The following CAMK4 variants were observed in gnomAD, a reference collection of about 807,000 sequenced individuals.
CAMK4 encodes the protein calcium/calmodulin dependent protein kinase IV, also known as calcium/calmodulin-dependent protein kinase type IV.
CAMK4 carries 22 observed loss-of-function variants against 44.9 expected under a neutral mutation model. The ratio of observed to expected loss-of-function variants is 0.49; its 90% CI spans 0.35 to 0.70. The LOEUF is 0.70. CAMK4 is among the 30% of genes least tolerant of loss of function. The probability of loss-of-function intolerance (pLI) is 0.01; values close to 1 mark genes in which losing one functional copy is unlikely to be tolerated. For synonymous variants in CAMK4, 218 were observed against 215.4 expected (o/e 1.01, Z -0.11); for missense variants, 498 against 586.8 (o/e 0.85, Z 1.56).
chr5:111,451,198 C>T (rs1348047329), intron 7 of CAMK4, among the ~76,000 whole-genome samples: 2 of 151,932 alleles, frequency 1.3e-5, no homozygotes, highest in African/African-American at 4.8e-5. Context: ...AATAAGAATC[C>T]AGGTATCCAA....
chr5:111,262,930 T>C (rs1251085770), intron 1 of CAMK4, among the ~76,000 whole-genome samples: 2 of 152,252 alleles, frequency 1.3e-5, no homozygotes, highest in Non-Finnish European at 2.9e-5. Context: ...GATTGGTTTG[T>C]ATCATTGCTT....
chr5:111,385,065 A>T (rs1195287725), intron 4 of CAMK4, among the ~76,000 whole-genome samples: 1 of 152,184 alleles, frequency 6.6e-6, no homozygotes, highest in East Asian at 1.9e-4. Flanking sequence ...TTTAAGCATC[A>T]CCTTCCAAGT....
In CAMK4 at chr5:111,418,406, T is replaced by G. The variant is rs147152942; in HGVS notation, c.459+23624T>G. 6.5e-3 allele frequency among the ~76,000 whole-genome samples: 983 copies of G among 151,644 alleles called. 10 individuals carry two copies. Among genetic ancestry groups the G allele is most frequent in the African/African-American group, 0.021 (866 of 41,276 alleles). On this transcript the variant is annotated intron_variant, in intron 5 of 10. Coordinates refer to ENST00000282356, the MANE Select transcript of CAMK4 (RefSeq NM_001744.6). ...ATTAAAATTGCTAATGAAGTTTCAG[T>G]CACCATTGTCATTGATAACTTCTTA...
upstream of CAMK4, chr5:111,223,920 A>G (rs560825999): frequency 6.5e-6 from 1 of 153,504 alleles, no homozygotes; most frequent in East Asian, 1.9e-4. This position sits in a 1 kb window ranked among gnomAD's most constrained non-coding sequence, Gnocchi z 4.3. Flanking sequence ...ACCACCACCT[A>G]GGTCCCTCTC....
At chr5:111,291,639 C>G (rs1012919367) in intron 1 of CAMK4, among the ~76,000 whole-genome samples, 1 of 152,142 alleles carries the variant, frequency 6.6e-6, no homozygotes, top group Non-Finnish European at 1.5e-5. Context: ...TTGCCTCAGC[C>G]TCCTGGGACC....
At chr5:111,465,633 C>T (rs1370854628) in intron 7 of CAMK4, among the ~76,000 whole-genome samples, 2 of 152,090 alleles carry the variant, frequency 1.3e-5, no homozygotes, top group African/African-American at 2.4e-5. Flanking sequence ...TGGAAATATA[C>T]CACCCTCTTA....
intron 2 of CAMK4, among the ~76,000 whole-genome samples, chr5:111,374,131 G>A (rs1262106837): frequency 6.6e-6 from 1 of 152,054 alleles, no homozygotes; most frequent in African/African-American, 2.4e-5. Flanking sequence ...AGTTCAAAAG[G>A]CAAACCAGCA....
rs953571160 is a variant in CAMK4, at chr5:111,411,147, G to T, written c.459+16365G>T. ...AGATGGATCCTAAGGCAAGACAGAA[G>T]AACCAAGCAGGAGGAGACTTGTGTG... is the stretch of plus-strand genomic sequence containing the variant. On this transcript the variant is annotated intron_variant, in intron 5 of 10. Transcript: ENST00000282356. 2.0e-5 allele frequency among the ~76,000 whole-genome samples: 3 copies of T among 152,302 alleles called. No homozygotes were observed. The South Asian group carries it at 6.2e-4, about 32-fold the overall frequency.
At chr5:111,250,570 A>G (rs748963183) in intron 1 of CAMK4, among the ~76,000 whole-genome samples, 7 of 152,180 alleles carry the variant, frequency 4.6e-5, no homozygotes, top group Non-Finnish European at 8.8e-5. Context: ...ACTTCCCAGT[A>G]TACTGTTTCT....
At position 111,484,551 on chromosome 5, in the gene CAMK4, T is replaced by A; in HGVS notation, c.*85T>A. 1 of 856,572 alleles carries A rather than the reference T, an allele frequency of 1.2e-6. No homozygotes were observed. The highest frequency in any genetic ancestry group is 1.7e-6 in the Non-Finnish European group (1 of 596,512). The allele number at this position is 856,572 out of a possible 1,614,324, so 53.1% of individuals were successfully genotyped here. A position where few individuals can be genotyped will look rare whatever the true frequency, so the allele number is the denominator to read the frequency against. Reference sequence around the variant, plus strand: ...AAGAAAGGTGTGGAAGCATGATATGTACTATAGTGATTCTGTTTTTGAGGT... The same window carrying A: ...AAGAAAGGTGTGGAAGCATGATATGAACTATAGTGATTCTGTTTTTGAGGT... On this transcript the variant is annotated 3_prime_UTR_variant, in exon 11 of 11. Coordinates refer to ENST00000282356, the MANE Select transcript of CAMK4 (RefSeq NM_001744.6). This position sits in a 1 kb window ranked among gnomAD's most constrained non-coding sequence, Gnocchi z 5.3.
intron 5 of CAMK4, among the ~76,000 whole-genome samples, chr5:111,405,120 G>C (rs777476645): frequency 2.6e-4 from 40 of 152,290 alleles, no homozygotes; most frequent in Non-Finnish European, 4.9e-4. Context: ...TGTATCTAGA[G>C]AGAAACTGAG....
intron 1 of CAMK4, among the ~76,000 whole-genome samples, chr5:111,323,278 A>C (rs1748738609): frequency 2.0e-5 from 3 of 152,112 alleles, no homozygotes; most frequent in Admixed American, 1.3e-4. Context: ...AGACAGTCCT[A>C]TACTTACGAT....
intron 5 of CAMK4, among the ~76,000 whole-genome samples, chr5:111,423,617 A>T (rs1398878611): frequency 6.6e-6 from 1 of 152,254 alleles, no homozygotes; most frequent in Non-Finnish European, 1.5e-5. Flanking sequence ...TCGATCCTGC[A>T]GATTTCCAGA....
intron 5 of CAMK4, among the ~76,000 whole-genome samples, chr5:111,431,512 G>A (rs961860674): frequency 7.9e-5 from 12 of 152,168 alleles, no homozygotes; most frequent in African/African-American, 2.6e-4. Flanking sequence ...GGACATGCAG[G>A]ATTACATCAA....
chr5:111,431,087 A>G (rs1014651760), intron 5 of CAMK4, among the ~76,000 whole-genome samples: 9 of 152,184 alleles, frequency 5.9e-5, no homozygotes, highest in African/African-American at 1.9e-4. Flanking sequence ...AAATTATACT[A>G]CAGAGCTATA....
chr5:111,421,101 T>C (rs1753015619), intron 5 of CAMK4, among the ~76,000 whole-genome samples: 1 of 152,210 alleles, frequency 6.6e-6, no homozygotes, highest in South Asian at 2.1e-4. Context: ...TATAAAAGTA[T>C]TAATTTGGGG....
At chr5:111,301,106 G>C (rs1305350172) in intron 1 of CAMK4, among the ~76,000 whole-genome samples, 1 of 151,706 alleles carries the variant, frequency 6.6e-6, no homozygotes, top group African/African-American at 2.4e-5. Context: ...CCCTGTTCAG[G>C]TGCCTTTTGT....
chr5:111,387,194 T>G (rs1480006553), intron 4 of CAMK4, among the ~76,000 whole-genome samples: 1 of 152,186 alleles, frequency 6.6e-6, no homozygotes, highest in Non-Finnish European at 1.5e-5. Flanking sequence ...TATCCCTCTA[T>G]TTTTACAGCT....
chr5:111,332,640 A>G (rs1343308228), intron 1 of CAMK4, among the ~76,000 whole-genome samples: 3 of 151,520 alleles, frequency 2.0e-5, no homozygotes, highest in African/African-American at 4.8e-5. Context: ...AATTAATTAC[A>G]TTTTATTCTT....
Sources: allele counts gnomAD v4.1 joint callset (sites outside exome capture counted in the v4.1 genomes callset), GRCh38; gene constraint gnomAD v4.1.1; non-coding constraint Gnocchi (gnomAD v3.1); transcripts MANE v1.5; gene names NCBI Gene and HGNC (gene_info 2026-07-23, HGNC 2026-07-21).